Variants in RET observed in about 807,000 individuals in gnomAD.
RET encodes proto-oncogene tyrosine-protein kinase receptor Ret.
RET carries 19 observed loss-of-function variants against 118.3 expected under a neutral mutation model. That is an observed-to-expected ratio of 0.16 (90% CI 0.11 to 0.24). The LOEUF (loss-of-function observed/expected upper bound fraction) is 0.24. RET is among the 10% of genes least tolerant of loss of function. RET has a pLI of 1.00. For missense variants in RET, 1,219 were observed against 1,502.1 expected (o/e 0.81, Z 3.12); for synonymous variants, 597 against 644.1 (o/e 0.93, Z 1.11).
At chr10:43,091,646 CCAACAA>C (rs1287400563) in intron 1 of RET, among the ~76,000 whole-genome samples, 1 of 148,540 alleles carries the variant, frequency 6.7e-6, no homozygotes, top group African/African-American at 2.5e-5. Context: ...AAAAAAAAAC[CCAACAA>C]CAACAACAAA....
chr10:43,084,682 G>A (rs967390367), intron 1 of RET, among the ~76,000 whole-genome samples: 2 of 152,134 alleles, frequency 1.3e-5, no homozygotes, highest in African/African-American at 4.8e-5. Context: ...GTGTGGATTC[G>A]TCTGATTCCT....
chr10:43,111,982 G>A (rs1837944915), intron 7 of RET, 117 bp from the exon 8 acceptor site: 8 of 1,429,134 alleles, frequency 5.6e-6, no homozygotes, highest in Non-Finnish European at 6.7e-6. Context: ...TGTCACTCCG[G>A]TCCCCTTGGG....
chr10:43,123,147 G>A (rs1838255799), intron 16 of RET, among the ~76,000 whole-genome samples: 1 of 152,126 alleles, frequency 6.6e-6, no homozygotes, highest in Non-Finnish European at 1.5e-5. Context: ...TTTGTGATAT[G>A]ATTTTGTTCC....
intron 1 of RET, among the ~76,000 whole-genome samples, chr10:43,088,544 C>T (rs1157639167): frequency 2.0e-5 from 3 of 151,942 alleles, no homozygotes; most frequent in South Asian, 2.1e-4. Flanking sequence ...TGTTGATGGT[C>T]GTGATGCAGC....
Position 43,106,323 on chromosome 10 carries a change from G to A in RET, c.868-53G>A, listed in dbSNP as rs1837773426. ...CATTCTAAGGTCTCTGGTTTTGGGG[G>A]GTCTGAGGGGCCCATCTCGCCTGCA... On this transcript the variant is annotated intron_variant, in intron 4 of 19. Transcript: ENST00000355710. This position sits in a 1 kb window ranked among gnomAD's most constrained non-coding sequence, Gnocchi z 5.1. 2 of 1,556,822 alleles carry A rather than the reference G, an allele frequency of 1.3e-6. No individual in the cohort carries two copies. The highest frequency in any genetic ancestry group is 1.7e-5 in the Admixed American group (1 of 59,736).
intron 1 of RET, among the ~76,000 whole-genome samples, chr10:43,083,625 C>T (rs2506020): frequency 0.37 from 55,849 of 151,776 alleles, 10,471 homozygotes; most frequent in South Asian, 0.43. Context: ...GTACAGAGGA[C>T]GCGGGGATGG....
chr10:43,080,722 C>G lies in RET; in HGVS notation c.73+3391C>G, dbSNP rs1564482155. Among the ~76,000 whole-genome samples the G allele has an allele frequency of 2.0e-5, 3 of 152,380 alleles. No individual in the cohort carries two copies. The South Asian group carries it at 6.2e-4, about 32-fold the overall frequency. ...CACCATGCACAGACGCTGAGATACT[C>G]TCTGGGTCTCGTCAGCTTTAGTTGA... On this transcript the variant is annotated intron_variant, in intron 1 of 19. Coordinates refer to ENST00000355710, the MANE Select transcript of RET (RefSeq NM_020975.6).
intron 19 of RET, 196 bp downstream of exon 19, chr10:43,126,918 G>T: frequency 6.9e-7 from 1 of 1,439,492 alleles, no homozygotes; most frequent in South Asian, 1.5e-5. Context: ...TTTCTAAAAG[G>T]ATGTGAAAAT....
At chr10:43,120,312 T>G in intron 15 of RET, 109 bp downstream of exon 15, 1 of 1,468,038 alleles carries the variant, frequency 6.8e-7, no homozygotes, top group Non-Finnish European at 9.3e-7. Context: ...AGTGGAGCTC[T>G]AAGCTTTTTA....
chr10:43,119,938 C>G (rs1057046982), intron 14 of RET, 143 bp from the exon 15 acceptor site: 66 of 1,350,888 alleles, frequency 4.9e-5, no homozygotes, highest in Middle Eastern at 2.5e-4. Context: ...CCACCACGCC[C>G]CTGCCATGCC....
Position 43,077,138 on chromosome 10 carries a change from C to G in RET, c.-121C>G, listed in dbSNP as rs1294751911. 4 of 1,277,934 alleles carry G rather than the reference C, an allele frequency of 3.1e-6. No homozygotes were observed. The African/African-American group carries it at 6.3e-5, about 20-fold the overall frequency. 79.2% of individuals were successfully genotyped at this position (1,277,934 alleles called of 1,614,324 possible). ...GGAACGTGCGTCGCGCCCCCAGTGT[C>G]CGTCGCGTCCGCCGCGCCCCGGGCG... On this transcript the variant is annotated 5_prime_UTR_variant, in exon 1 of 20. Transcript: ENST00000355710.
intron 5 of RET, 122 bp from the exon 6 acceptor site, chr10:43,108,909 G>A (rs774861466): frequency 1.1e-6 from 1 of 935,108 alleles, no homozygotes; most frequent in Non-Finnish European, 1.7e-6. Flanking sequence ...GCATGGCACT[G>A]TATGTGTGAA....
At chr10:43,117,248 C>G (rs1197893496) in intron 12 of RET, among the ~76,000 whole-genome samples, 1 of 152,266 alleles carries the variant, frequency 6.6e-6, no homozygotes, top group African/African-American at 2.4e-5. Context: ...CTGTGAACAG[C>G]CAGGCTGAAT....
intron 1 of RET, among the ~76,000 whole-genome samples, chr10:43,084,221 C>A (rs926712630): frequency 3.3e-5 from 5 of 152,188 alleles, no homozygotes; most frequent in African/African-American, 1.2e-4. Flanking sequence ...GCTTTCAGTT[C>A]TTTTGGGTAC....
chr10:43,107,711 A>G (rs894237421), intron 5 of RET, among the ~76,000 whole-genome samples: 6 of 152,164 alleles, frequency 3.9e-5, no homozygotes, highest in Non-Finnish European at 8.8e-5. Context: ...AGCCTTGAGT[A>G]AGTGGTCCCC....
In RET at chr10:43,126,673, C is replaced by A. The variant is rs201576838; in HGVS notation, c.3138C>A (p.Ala1046=). 2.3e-5 allele frequency: 37 copies of A among 1,614,042 alleles called. No individual in the cohort carries two copies. The Admixed American group carries it at 2.7e-4, about 12-fold the overall frequency. ...CACCGCTGGTGGACTGTAATAATGC[C>A]CCCCTCCCTCGAGCCCTCCCTTCCA... ...EETPLVDCNN[A]PLPRALPSTW... is the part of the protein sequence containing the mutation. The change falls in exon 19 of 20, where the codon GCC becomes GCA. Residue 1046 remains alanine, a synonymous_variant. Coordinates refer to ENST00000355710, the MANE Select transcript of RET (RefSeq NM_020975.6).
chr10:43,087,487 A>C (rs1240874492), intron 1 of RET, among the ~76,000 whole-genome samples: 1 of 152,252 alleles, frequency 6.6e-6, no homozygotes, highest in Non-Finnish European at 1.5e-5. Context: ...TGCAGAGACC[A>C]GTGTTTTCTT....
At chr10:43,082,116 T>C (rs879582049) in intron 1 of RET, among the ~76,000 whole-genome samples, 22 of 152,126 alleles carry the variant, frequency 1.4e-4, no homozygotes, top group Non-Finnish European at 2.6e-4. Context: ...CTAGAGGCCA[T>C]GAAGCCTGTG....
chr10:43,122,071 TGTA>T, intron 16 of RET, 55 bp downstream of exon 16: 1 of 1,394,918 alleles, frequency 7.2e-7, no homozygotes, highest in Non-Finnish European at 1.0e-6. Flanking sequence ...CCCTTATACA[TGTA>T]GTGGGGCCAC....
Sources: gnomAD v4.1 joint callset for allele counts (sites outside exome capture counted in the v4.1 genomes callset) on GRCh38, gnomAD v4.1.1 for gene constraint, Gnocchi (gnomAD v3.1) non-coding constraint, MANE v1.5 for transcripts, NCBI Gene and HGNC (gene_info 2026-07-23, HGNC 2026-07-21) for gene names.